Variants in SOS1 observed in about 807,000 individuals in gnomAD.
The protein encoded by SOS1 is son of sevenless homolog 1.
Under a neutral mutation model 157.6 loss-of-function variants are expected in SOS1, and 25 were observed. That is an observed-to-expected ratio of 0.16 (90% CI 0.12 to 0.22). The LOEUF is 0.22. Among genes scored for constraint, SOS1 ranks in the 10% least tolerant of loss-of-function variants. The pLI is 1.00. For missense variants in SOS1, 1,237 were observed against 1,599.1 expected (o/e 0.77, Z 3.86); for synonymous variants, 528 against 534.0 (o/e 0.99, Z 0.16).
intron 6 of SOS1, among the ~76,000 whole-genome samples, chr2:39,045,273 A>AGAGAGAGAGAGAGAGT (rs138343013): frequency 1.9e-5 from 2 of 108,048 alleles, no homozygotes; most frequent in South Asian, 3.3e-4. Flanking sequence ...AGAGAGAGAG[A>AGAGAGAGAGAGAGAGT]GTGTGTGTGT....
intron 17 of SOS1, among the ~76,000 whole-genome samples, chr2:38,998,615 A>T (rs72916899): frequency 0.034 from 5,228 of 152,242 alleles, 296 homozygotes; most frequent in African/African-American, 0.12. Flanking sequence ...TCTCATCTGT[A>T]AAATGAGGAC....
intron 1 of SOS1, among the ~76,000 whole-genome samples, chr2:39,076,466 G>A (rs186032636): frequency 3.3e-5 from 5 of 151,934 alleles, no homozygotes; most frequent in African/African-American, 1.2e-4. Flanking sequence ...CACCATGACC[G>A]ACTTGGGCTT....
chr2:39,088,140 C>T lies in SOS1; in HGVS notation c.88-20387G>A, dbSNP rs553789437. 8.1e-4 allele frequency among the ~76,000 whole-genome samples: 119 copies of T among 146,358 alleles called. 2 individuals carry two copies. In the South Asian group the frequency reaches 9.4e-3, roughly 12 times the overall value. On this transcript the variant is annotated intron_variant, in intron 1 of 22. Transcript: ENST00000402219. ...GATAAATTTCTCTTTAAAGATAATACCAACAAAATCCAGTTTACCCCACTT... is the reference window on the plus strand; with the variant it reads ...GATAAATTTCTCTTTAAAGATAATATCAACAAAATCCAGTTTACCCCACTT...
chr2:39,014,078 A>C lies in SOS1; in HGVS notation c.1941-89T>G, dbSNP rs1669551834. The C allele has an allele frequency of 6.6e-6, 6 of 909,350 alleles. No homozygotes were observed. The Admixed American group carries it at 9.9e-5, about 15-fold the overall frequency. The allele number at this position is 909,350 out of a possible 1,614,324, so 56.3% of individuals were successfully genotyped here. On this transcript the variant is annotated intron_variant, in intron 11 of 22. Transcript: ENST00000402219. ...CACAAACGTTTTCACCAGTCAGCAAAATCAAGAGAATACTGTAAAAAATTA... is the reference window on the plus strand; with the variant it reads ...CACAAACGTTTTCACCAGTCAGCAACATCAAGAGAATACTGTAAAAAATTA...
At chr2:39,022,548 C>T (rs1669831282) in intron 10 of SOS1, 22 bp downstream of exon 10, 2 of 1,594,340 alleles carry the variant, frequency 1.3e-6, no homozygotes, top group Non-Finnish European at 8.6e-7. Flanking sequence ...ACAAAAGTGA[C>T]AGGCAACTGC....
At chr2:39,027,358 C>T (rs1272129109) in intron 8 of SOS1, among the ~76,000 whole-genome samples, 3 of 152,100 alleles carry the variant, frequency 2.0e-5, no homozygotes, top group Non-Finnish European at 4.4e-5. Flanking sequence ...TTTTAAAAGC[C>T]ACAAACCCAA....
intron 1 of SOS1, among the ~76,000 whole-genome samples, chr2:39,080,183 T>G (rs575298565): frequency 1.3e-5 from 2 of 151,168 alleles, no homozygotes; most frequent in Non-Finnish European, 2.9e-5. Context: ...TGGTCCCATA[T>G]GGGGGGGAAT....
At position 38,985,557 on chromosome 2, in the gene SOS1, T is replaced by C. The variant is rs1668530491; in HGVS notation, c.*267A>G. 3 of 432,210 alleles carry C rather than the reference T, an allele frequency of 6.9e-6. No homozygotes were observed. Among genetic ancestry groups the C allele is most frequent in the South Asian group, 2.2e-5 (1 of 44,724 alleles). The allele number at this position is 432,210 out of a possible 1,614,324, so 26.8% of individuals were successfully genotyped here. On this transcript the variant is annotated 3_prime_UTR_variant, in exon 23 of 23. Transcript: ENST00000402219. The stretch of plus-strand genomic sequence containing the variant: ...TTCACAAAAAGAGGACTCCTGCCTA[T>C]TGGCCAGAAAAAGTCCCTTTATGAT...
In SOS1 at chr2:39,058,622, G is replaced by C. The variant is rs762919244; in HGVS notation, c.345+51C>G. 8.9e-6 allele frequency: 14 copies of C among 1,579,688 alleles called. No homozygotes were observed. The South Asian group carries it at 1.5e-4, about 16-fold the overall frequency. Reference sequence around the variant, plus strand: ...AATATATTCTTATTGTATAAAAATGGTGGGTTTTATTTTTCCCTTAAAAGG... The same window carrying C: ...AATATATTCTTATTGTATAAAAATGCTGGGTTTTATTTTTCCCTTAAAAGG... On this transcript the variant is annotated intron_variant, in intron 3 of 22. Coordinates refer to ENST00000402219, the MANE Select transcript of SOS1 (RefSeq NM_005633.4).
upstream of SOS1, among the ~76,000 whole-genome samples, chr2:39,122,766 G>A (rs1210861805): frequency 2.6e-5 from 4 of 151,764 alleles, no homozygotes; most frequent in African/African-American, 9.7e-5. Context: ...GGCTGGTCTC[G>A]AACTCCTGAC....
At chr2:39,052,950 C>T (rs144320877) in intron 5 of SOS1, among the ~76,000 whole-genome samples, 7 of 152,110 alleles carry the variant, frequency 4.6e-5, no homozygotes, top group African/African-American at 1.2e-4. Context: ...GTCAGGAGTT[C>T]GAGACCAGCC....
chr2:39,088,438 A>C (rs573280291), intron 1 of SOS1, among the ~76,000 whole-genome samples: 4 of 151,598 alleles, frequency 2.6e-5, no homozygotes, highest in African/African-American at 9.7e-5. Flanking sequence ...GAACTTTTTC[A>C]TCATCTTGGC....
intron 2 of SOS1, among the ~76,000 whole-genome samples, chr2:39,063,942 C>T (rs372970654): frequency 1.3e-5 from 2 of 152,206 alleles, no homozygotes; most frequent in South Asian, 4.1e-4. Context: ...AGGCGATCCT[C>T]CCACCTCAAC....
intron 1 of SOS1, among the ~76,000 whole-genome samples, chr2:39,113,536 A>T (rs995668430): frequency 1.3e-5 from 2 of 151,938 alleles, no homozygotes. Flanking sequence ...CCATGGTGCA[A>T]AAATAAATAA....
At chr2:39,040,286 G>C (rs1438944953) in intron 6 of SOS1, among the ~76,000 whole-genome samples, 1 of 152,000 alleles carries the variant, frequency 6.6e-6, no homozygotes, top group African/African-American at 2.4e-5. Context: ...CAAAGTGCTG[G>C]GATTACAGGC....
At chr2:39,044,822 A>G (rs1670696444) in intron 6 of SOS1, among the ~76,000 whole-genome samples, 3 of 151,418 alleles carry the variant, frequency 2.0e-5, no homozygotes, top group Admixed American at 1.3e-4. Flanking sequence ...TTCCCCACAT[A>G]TACTGAGGGA....
intron 1 of SOS1, among the ~76,000 whole-genome samples, chr2:39,091,968 T>C (rs1197208711): frequency 6.6e-6 from 1 of 152,200 alleles, no homozygotes; most frequent in East Asian, 1.9e-4. Context: ...ATCACCTCTT[T>C]CTTCTAAAAT....
At chr2:39,087,616 T>C (rs1374165971) in intron 1 of SOS1, among the ~76,000 whole-genome samples, 1 of 152,208 alleles carries the variant, frequency 6.6e-6, no homozygotes, top group African/African-American at 2.4e-5. Flanking sequence ...AAAATGGCAA[T>C]TATCACCACC....
At chr2:39,032,605 T>C (rs1036849049) in intron 8 of SOS1, among the ~76,000 whole-genome samples, 17 of 152,120 alleles carry the variant, frequency 1.1e-4, no homozygotes, top group African/African-American at 3.4e-4. Flanking sequence ...GAGCAAACAG[T>C]TGAATGATAA....
Sources: allele counts gnomAD v4.1 joint callset (sites outside exome capture counted in the v4.1 genomes callset), GRCh38; gene constraint gnomAD v4.1.1; transcripts MANE v1.5; gene names NCBI Gene and HGNC (gene_info 2026-07-23, HGNC 2026-07-21).